RMND5A: variants seen among roughly 807,000 people sequenced by gnomAD.
RMND5A encodes the protein required for meiotic nuclear division 5 homolog A.
In RMND5A, 17 loss-of-function variants were observed where a neutral mutation model predicts 49.7. The ratio of observed to expected loss-of-function variants is 0.34; its 90% CI spans 0.23 to 0.51. The LOEUF (loss-of-function observed/expected upper bound fraction) is 0.51. Among genes scored for constraint, RMND5A ranks in the 20% least tolerant of loss-of-function variants. RMND5A has a pLI of 0.96. For missense variants in RMND5A, 255 were observed against 471.3 expected (o/e 0.54, Z 4.25); for synonymous variants, 156 against 167.7 (o/e 0.93, Z 0.54).
chr2:86,748,088 G>GAAA (rs1436048563), intron 2 of RMND5A: 1 of 152,130 alleles, frequency 6.6e-6, no homozygotes, highest in Non-Finnish European at 1.5e-5. Context: ...ATTATAGATG[G>GAAA]TATTTCTCTT....
At chr2:86,761,357 T>G (rs1672486086) in intron 4 of RMND5A, among the ~76,000 whole-genome samples, 1 of 152,164 alleles carries the variant, frequency 6.6e-6, no homozygotes, top group Non-Finnish European at 1.5e-5. Context: ...GAGAGTGACT[T>G]TGAATAAAAC....
At chr2:86,743,993 A>G (rs1558720652) in intron 2 of RMND5A, among the ~76,000 whole-genome samples, 1 of 151,126 alleles carries the variant, frequency 6.6e-6, no homozygotes, top group Non-Finnish European at 1.5e-5. Flanking sequence ...AAAAAAAAAA[A>G]TACATACATA....
At position 86,777,475 on chromosome 2, in the gene RMND5A, TTTGA is replaced by T. The variant is rs1672788624; in HGVS notation, c.*4066_*4069del. 1 of 152,268 alleles carries T rather than the reference TTTGA, an allele frequency of 6.6e-6. No homozygotes were observed. The highest frequency in any genetic ancestry group is 6.5e-5 in the Admixed American group (1 of 15,304). 9.4% of individuals were successfully genotyped at this position (152,268 alleles called of 1,614,324 possible). A position where few individuals can be genotyped will look rare whatever the true frequency, so the allele number is the denominator to read the frequency against. On this transcript the variant is annotated 3_prime_UTR_variant, in exon 9 of 9. Coordinates refer to ENST00000283632, the MANE Select transcript of RMND5A (RefSeq NM_022780.4). Reference sequence around the variant, plus strand: ...ACCTGCACCTAGCAAGGAACAGGTGTTTGATGTATTTTGCTCATGACTGCAGTAT... The same window carrying T: ...ACCTGCACCTAGCAAGGAACAGGTGTTGTATTTTGCTCATGACTGCAGTAT...
chr2:86,756,267 C>T (rs1298061978), intron 4 of RMND5A, among the ~76,000 whole-genome samples: 6 of 152,218 alleles, frequency 3.9e-5, no homozygotes, highest in South Asian at 4.1e-4. Context: ...GTGGTGTACG[C>T]CTGTAGTCTG....
At chr2:86,725,025 CAGTT>C (rs1681268497) in intron 1 of RMND5A, among the ~76,000 whole-genome samples, 1 of 31,116 alleles carries the variant, frequency 3.2e-5, no homozygotes, top group Admixed American at 3.4e-4. Flanking sequence ...TAGGCAGAAA[CAGTT>C]GGTAATGGTT....
At chr2:86,771,802 G>A in intron 8 of RMND5A, 90 bp downstream of exon 8, 2 of 1,093,662 alleles carry the variant, frequency 1.8e-6, no homozygotes, top group Non-Finnish European at 2.6e-6. Context: ...TTAAAAAAAT[G>A]TAGCTAGATT....
intron 7 of RMND5A, 135 bp from the exon 8 acceptor site, chr2:86,771,423 G>T: frequency 1.5e-6 from 1 of 652,702 alleles, no homozygotes. Flanking sequence ...ATCTGAGTTA[G>T]AAGAGTGCTA....
At position 86,720,658 on chromosome 2, in the gene RMND5A, C is replaced by T. The variant is rs751256943; in HGVS notation, c.-10C>T. 1.4e-5 allele frequency: 22 copies of T among 1,539,172 alleles called. No homozygotes were observed. The South Asian group carries it at 2.3e-4, about 16-fold the overall frequency. ...TGGGCGCCGAGGAGCCGAGCGCCGC[C>T]GCCTCCGGCATGGATCAGTGCGTGA... On this transcript the variant is annotated 5_prime_UTR_variant, in exon 1 of 9. Coordinates refer to ENST00000283632, the MANE Select transcript of RMND5A (RefSeq NM_022780.4).
intron 4 of RMND5A, among the ~76,000 whole-genome samples, chr2:86,755,578 G>A (rs938111128): frequency 3.9e-5 from 6 of 152,144 alleles, no homozygotes; most frequent in African/African-American, 1.4e-4. Context: ...AGTCATGTAC[G>A]TACTATGACT....
intron 4 of RMND5A, among the ~76,000 whole-genome samples, chr2:86,756,141 C>G (rs1263506198): frequency 2.0e-5 from 3 of 152,116 alleles, no homozygotes; most frequent in Non-Finnish European, 4.4e-5. Flanking sequence ...CCTGTAAGCC[C>G]AGCACTTTGG....
At position 86,766,020 on chromosome 2, in the gene RMND5A, G is replaced by A; in HGVS notation, c.850G>A (p.Val284Ile). The change falls in exon 6 of 9, where the codon GTC becomes ATC. Residue 284 changes from valine to isoleucine, a missense_variant. By Grantham distance (29) the Val-to-Ile change is conservative (BLOSUM62 3). Coordinates refer to ENST00000283632, the MANE Select transcript of RMND5A (RefSeq NM_022780.4). ...GCTCTCCGTGGAGTCCCCTCTCAGT[G>A]TCAGGTATGGAAATTAGCCCTGTCT... ...LGLSVESPLSVSFSAGCVALP... is the reference protein window; with the variant it reads ...LGLSVESPLSISFSAGCVALP... 1 of 1,612,874 alleles carries A rather than the reference G, an allele frequency of 6.2e-7. No individual in the cohort carries two copies. Among genetic ancestry groups the A allele is most frequent in the Non-Finnish European group, 8.5e-7 (1 of 1,179,490 alleles).
At position 86,749,335 on chromosome 2, in the gene RMND5A, A is replaced by T. The variant is rs180894629; in HGVS notation, c.286-2561A>T. ...TTCAGTGCTAGTTAACAGTTTTTTC[A>T]TTATATGCATGGATGCTCTTGCTTT... is the stretch of plus-strand genomic sequence containing the variant. On this transcript the variant is annotated intron_variant, in intron 2 of 8. Coordinates refer to ENST00000283632, the MANE Select transcript of RMND5A (RefSeq NM_022780.4). 2.0e-3 allele frequency among the ~76,000 whole-genome samples: 310 copies of T among 152,252 alleles called. 2 individuals carry two copies. The highest frequency in any genetic ancestry group is 4.6e-3 in the South Asian group (22 of 4,824).
chr2:86,720,791 G>C lies in RMND5A; in HGVS notation c.124G>C (p.Glu42Gln), dbSNP rs185613013. 6.9e-6 allele frequency: 11 copies of C among 1,593,952 alleles called. No individual in the cohort carries two copies. Among genetic ancestry groups the C allele is most frequent in the South Asian group, 2.3e-5 (2 of 88,744 alleles). ...CGACTACACCGGCGGCCTCAAGCAC[G>C]AGATCCTGCAGAGCCACGGTAGGGC... The part of the protein sequence containing the change: ...LIDYTGGLKH[E>Q]ILQSHGQDAE... The change falls in exon 1 of 9, where the codon GAG becomes CAG. Residue 42 changes from glutamate (E) to glutamine (Q), a missense_variant. Glu to Gln is a conservative substitution (Grantham distance 29). Around this residue, in one of 3 missense-constraint regions of RMND5A, gnomAD observed 42 missense variants for 59.9 expected, o/e 0.70. Coordinates refer to ENST00000283632, the MANE Select transcript of RMND5A (RefSeq NM_022780.4).
intron 8 of RMND5A, among the ~76,000 whole-genome samples, chr2:86,772,385 G>T (rs980462442): frequency 6.6e-6 from 1 of 152,126 alleles, no homozygotes; most frequent in Non-Finnish European, 1.5e-5. Flanking sequence ...AACCCGAGAG[G>T]CAGAGCTTGC....
intron 4 of RMND5A, among the ~76,000 whole-genome samples, chr2:86,758,879 A>AT (rs1166774032): frequency 6.6e-6 from 1 of 152,136 alleles, no homozygotes; most frequent in Non-Finnish European, 1.5e-5. Flanking sequence ...CATTCTCTGA[A>AT]TTTTTTTAAG....
chr2:86,770,789 C>G (rs1271426115), intron 7 of RMND5A, among the ~76,000 whole-genome samples: 1 of 152,156 alleles, frequency 6.6e-6, no homozygotes, highest in African/African-American at 2.4e-5. Context: ...ATGGTAGGCA[C>G]TCAAATTGTG....
At position 86,772,940 on chromosome 2, in the gene RMND5A, G is replaced by A. The variant is rs78629873; in HGVS notation, c.1113-408G>A. On this transcript the variant is annotated intron_variant, in intron 8 of 8. Transcript: ENST00000283632. ...TGTGTCACTGTGAGGCATGTGGGCC[G>A]TTCTTGGTGTGGGCTTGTAGCTGCC... is the stretch of plus-strand genomic sequence containing the variant. Among the ~76,000 whole-genome samples, 318 of 152,274 alleles carry A rather than the reference G, an allele frequency of 2.1e-3. 3 individuals are homozygous for A. The highest frequency in any genetic ancestry group is 7.4e-3 in the African/African-American group (307 of 41,556).
intron 4 of RMND5A, among the ~76,000 whole-genome samples, chr2:86,764,407 C>T (rs904981907): frequency 2.6e-5 from 4 of 152,074 alleles, no homozygotes; most frequent in African/African-American, 4.8e-5. Flanking sequence ...TATAGAAGCC[C>T]GAGGGGCTGT....
chr2:86,766,044 C>G lies in RMND5A; in HGVS notation c.854+20C>G, dbSNP rs751357232. On this transcript the variant is annotated intron_variant, in intron 6 of 8. Coordinates refer to ENST00000283632, the MANE Select transcript of RMND5A (RefSeq NM_022780.4). ...TGTCAGGTATGGAAATTAGCCCTGT[C>G]TGTTATTGAAGTATGCACTGCATTA... is the stretch of plus-strand genomic sequence containing the variant. 2.6e-5 allele frequency: 42 copies of G among 1,605,720 alleles called. 1 individual carries two copies. The South Asian group carries it at 4.1e-4, about 16-fold the overall frequency.
Sources: allele counts gnomAD v4.1 joint callset (sites outside exome capture counted in the v4.1 genomes callset), GRCh38; gene constraint gnomAD v4.1.1; regional missense constraint gnomAD v4.1.1; transcripts MANE v1.5; gene names NCBI Gene and HGNC (gene_info 2026-07-23, HGNC 2026-07-21).